The following ACOT1 variants were observed in gnomAD, a reference collection of about 807,000 sequenced individuals.
ACOT1 encodes the protein acyl-coenzyme A thioesterase 1.
A neutral mutation model predicts 15.7 loss-of-function variants in ACOT1; 8 were observed. The ratio of observed to expected loss-of-function variants is 0.51; its 90% CI spans 0.30 to 0.92. The LOEUF is 0.92. Among genes scored for constraint, ACOT1 ranks in the 40% least tolerant of loss-of-function variants. The pLI is 0.06. For missense variants in ACOT1, 151 were observed against 539.4 expected, an observed-to-expected ratio of 0.28 and a Z score of 7.13; for synonymous variants, 67 against 241.2, an observed-to-expected ratio of 0.28 and a Z score of 6.69.
the ACOT1 span, chr14:73,492,321 T>TA: frequency 6.2e-7 from 1 of 1,614,050 alleles, no homozygotes; most frequent in Non-Finnish European, 8.5e-7. This position sits in a 1 kb window ranked among gnomAD's most constrained non-coding sequence, Gnocchi z 4.9. Flanking sequence ...TTAGAGGCCA[T>TA]ACTGCCTCTG....
upstream of ACOT1, among the ~76,000 whole-genome samples, chr14:73,535,355 ATCT>A (rs1292292056): frequency 8.8e-6 from 1 of 113,582 alleles, no homozygotes; most frequent in Non-Finnish European, 1.9e-5. Flanking sequence ...TCTTTTCCAA[ATCT>A]TCTTCAACAT....
the ACOT1 span, among the ~76,000 whole-genome samples, chr14:73,512,629 G>T: frequency 6.6e-6 from 1 of 152,146 alleles, no homozygotes; most frequent in Admixed American, 6.5e-5. Flanking sequence ...AAAGTGTTTA[G>T]CAAAATGCCT....
At chr14:73,504,225 G>A in the ACOT1 span, among the ~76,000 whole-genome samples, 112 of 150,986 alleles carry the variant, frequency 7.4e-4, no homozygotes, top group Non-Finnish European at 1.4e-3. Flanking sequence ...TTATGGGCAT[G>A]TGCCACCAAG....
chr14:73,506,744 C>T, the ACOT1 span, among the ~76,000 whole-genome samples: 1 of 142,964 alleles, frequency 7.0e-6, no homozygotes, highest in African/African-American at 2.6e-5. Flanking sequence ...AATTGGGGAA[C>T]AAAATACAAA....
the ACOT1 span, chr14:73,509,320 AG>A: frequency 6.2e-7 from 1 of 1,614,060 alleles, no homozygotes; most frequent in South Asian, 1.1e-5. Context: ...ACCCTTCAGA[AG>A]GGCAGTCTGC....
the ACOT1 span, chr14:73,514,158 A>G: frequency 6.2e-7 from 1 of 1,613,876 alleles, no homozygotes; most frequent in East Asian, 2.2e-5. Context: ...CATCCTTCTC[A>G]CCCACCTGCA....
chr14:73,506,808 T>TTTTTTTTTTTTTGTTTTTTG, the ACOT1 span, among the ~76,000 whole-genome samples: 1 of 111,462 alleles, frequency 9.0e-6, no homozygotes, highest in East Asian at 2.5e-4. Context: ...TTAACTGTTT[T>TTTTTTTTTTTTTGTTTTTTG]TTTTTTTTTT....
In ACOT1 at chr14:73,539,149, T is replaced by G. The variant is rs1888986084; in HGVS notation, c.457+1271T>G. The G allele has an allele frequency of 1.8e-5, 2 of 114,210 alleles. 1 individual carries two copies. The highest frequency in any genetic ancestry group is 5.6e-4 in the South Asian group (2 of 3,558). 7.1% of individuals were successfully genotyped at this position (114,210 alleles called of 1,614,324 possible). On this transcript the variant is annotated intron_variant, in intron 1 of 2. Coordinates refer to ENST00000311148, the MANE Select transcript of ACOT1 (RefSeq NM_001037161.2). ...TGCCAGGTGGCTGGGCCTGTGACAGTGCAGAGGTTTTGGTGCCTGCCCGCC... is the reference window on the plus strand; with the variant it reads ...TGCCAGGTGGCTGGGCCTGTGACAGGGCAGAGGTTTTGGTGCCTGCCCGCC...
chr14:73,495,473 T>G, the ACOT1 span: 7 of 1,124,488 alleles, frequency 6.2e-6, no homozygotes, highest in Non-Finnish European at 8.9e-6. Flanking sequence ...ATAAAGTGAT[T>G]GTAGGAGGCT....
chr14:73,527,894 C>G, the ACOT1 span, among the ~76,000 whole-genome samples: 1 of 141,346 alleles, frequency 7.1e-6, no homozygotes, highest in African/African-American at 2.7e-5. Flanking sequence ...CAGGAGAGTT[C>G]CTTGAACCTG....
the ACOT1 span, among the ~76,000 whole-genome samples, chr14:73,531,658 CT>C: frequency 9.0e-6 from 1 of 111,030 alleles, no homozygotes; most frequent in Non-Finnish European, 1.9e-5. Context: ...ATGCACCTGC[CT>C]TGGCCTCCCA....
chr14:73,515,429 C>T, the ACOT1 span, among the ~76,000 whole-genome samples: 10 of 151,752 alleles, frequency 6.6e-5, no homozygotes, highest in Non-Finnish European at 1.3e-4. Context: ...CCTGTAATCC[C>T]AGCACTTTGG....
chr14:73,502,920 C>A, the ACOT1 span: 1 of 1,613,706 alleles, frequency 6.2e-7, no homozygotes, highest in African/African-American at 1.3e-5. Flanking sequence ...ACCTCTTTCC[C>A]GAGGCTCATT....
chr14:73,512,091 A>G, the ACOT1 span: 3 of 1,614,194 alleles, frequency 1.9e-6, no homozygotes, highest in Non-Finnish European at 2.5e-6. Context: ...GAACGTCATC[A>G]TGCAGGTCTC....
chr14:73,525,327 T>A, the ACOT1 span, among the ~76,000 whole-genome samples: 1 of 152,276 alleles, frequency 6.6e-6, no homozygotes, highest in Non-Finnish European at 1.5e-5. Flanking sequence ...GCTACAGCAC[T>A]CAGCAAAGGC....
At chr14:73,509,527 C>G in the ACOT1 span, 2 of 1,588,848 alleles carry the variant, frequency 1.3e-6, no homozygotes, top group Non-Finnish European at 1.7e-6. Flanking sequence ...TTTTCTCACA[C>G]ACAGCTTCCT....
chr14:73,500,713 CCTTGACCTAG>C, the ACOT1 span: 1 of 1,613,952 alleles, frequency 6.2e-7, no homozygotes, highest in South Asian at 1.1e-5. Context: ...CTGGGAATTT[CCTTGACCTAG>C]CTTGACCCTG....
At chr14:73,509,808 G>T in the ACOT1 span, among the ~76,000 whole-genome samples, 1 of 63,466 alleles carries the variant, frequency 1.6e-5, no homozygotes, top group Non-Finnish European at 2.9e-5. Context: ...TGCCCCATGA[G>T]CCCATATATA....
chr14:73,514,194 C>G, the ACOT1 span: 8 of 1,614,058 alleles, frequency 5.0e-6, no homozygotes, highest in Non-Finnish European at 8.5e-7. Context: ...CGGGGGTGGG[C>G]AAAGCAGTCC....
Sources: allele counts gnomAD v4.1 joint callset (sites outside exome capture counted in the v4.1 genomes callset), GRCh38; gene constraint gnomAD v4.1.1; non-coding constraint Gnocchi (gnomAD v3.1); transcripts MANE v1.5; gene names NCBI Gene and HGNC (gene_info 2026-07-23, HGNC 2026-07-21).